The following CNBD1 variants were observed in gnomAD, a reference collection of about 807,000 sequenced individuals.
CNBD1 encodes cyclic nucleotide binding domain containing 1.
CNBD1 carries 71 observed loss-of-function variants against 54.4 expected under a neutral mutation model. That is an observed-to-expected ratio of 1.30 (90% CI 1.08 to 1.59). The LOEUF is 1.59. Ranked by LOEUF, CNBD1 falls within the 40% of genes most tolerant of loss-of-function variation. The pLI is 0.00. For synonymous variants in CNBD1, 182 were observed against 170.7 expected (o/e 1.07, Z -0.51); for missense variants, 659 against 518.0 (o/e 1.27, Z -2.64).
intron 4 of CNBD1, among the ~76,000 whole-genome samples, chr8:87,076,316 A>G (rs1810871835): frequency 6.6e-6 from 1 of 152,228 alleles, no homozygotes; most frequent in Non-Finnish European, 1.5e-5. Context: ...AGGGCCTGAT[A>G]TAATGTAGTC....
chr8:86,887,872 C>G (rs1283629262), intron 2 of CNBD1, among the ~76,000 whole-genome samples: 1 of 152,008 alleles, frequency 6.6e-6, no homozygotes, highest in Non-Finnish European at 1.5e-5. Context: ...AAAAAGCAGT[C>G]ATAAGGGGAA....
intron 3 of CNBD1, among the ~76,000 whole-genome samples, chr8:86,929,302 A>G (rs1021151043): frequency 2.6e-5 from 4 of 152,138 alleles, no homozygotes; most frequent in African/African-American, 9.6e-5. Context: ...AGGATTAGAG[A>G]AGCATACTTG....
At chr8:86,882,011 A>G (rs1421364591) in intron 1 of CNBD1, among the ~76,000 whole-genome samples, 2 of 152,158 alleles carry the variant, frequency 1.3e-5, no homozygotes, top group Non-Finnish European at 2.9e-5. Flanking sequence ...CCCCTTTTTT[A>G]CACTATATTC....
chr8:87,099,042 A>T (rs1811374543), intron 4 of CNBD1, among the ~76,000 whole-genome samples: 1 of 150,124 alleles, frequency 6.7e-6, no homozygotes, highest in Non-Finnish European at 1.5e-5. Flanking sequence ...CTCAAAAAAA[A>T]AAAAAAAAAA....
chr8:87,422,523 A>C (rs1807958845), intron 2 of CNBD1, among the ~76,000 whole-genome samples: 1 of 151,926 alleles, frequency 6.6e-6, no homozygotes, highest in African/African-American at 2.4e-5. Context: ...CCATTTATTA[A>C]ATAGGGAATC....
chr8:87,202,512 A>G (rs1813885050), intron 4 of CNBD1, among the ~76,000 whole-genome samples: 1 of 152,214 alleles, frequency 6.6e-6, no homozygotes, highest in African/African-American at 2.4e-5. Context: ...CTGTGAAGGA[A>G]TAAGCAAGAA....
At chr8:87,200,764 AG>A (rs748701895) in intron 4 of CNBD1, among the ~76,000 whole-genome samples, 13 of 152,330 alleles carry the variant, frequency 8.5e-5, no homozygotes, top group Non-Finnish European at 8.8e-5. Flanking sequence ...TGCCAAGTAA[AG>A]AACACTTCTC....
In CNBD1 at chr8:87,163,018, G is replaced by A. The variant is rs1200441943; in HGVS notation, c.432-42975G>A. 6.6e-6 allele frequency among the ~76,000 whole-genome samples: 1 copy of A among 151,986 alleles called. No homozygotes were observed. The highest frequency in any genetic ancestry group is 1.5e-5 in the Non-Finnish European group (1 of 67,960). The stretch of plus-strand genomic sequence containing the variant: ...GGCCCAGCATTCCTGTCCTCCAAAA[G>A]ATGTAGCTTTCAAAGCACCATTTTG... On this transcript the variant is annotated intron_variant, in intron 4 of 10. Coordinates refer to ENST00000518476, the MANE Select transcript of CNBD1 (RefSeq NM_173538.3). This position sits in a 1 kb window ranked among gnomAD's most constrained non-coding sequence, Gnocchi z 4.5.
chr8:87,232,245 A>G (rs1586350381), intron 5 of CNBD1, among the ~76,000 whole-genome samples: 1 of 152,182 alleles, frequency 6.6e-6, no homozygotes, highest in Non-Finnish European at 1.5e-5. Flanking sequence ...ATCCTTGTAC[A>G]AGTCCTTTTT....
intron 4 of CNBD1, among the ~76,000 whole-genome samples, chr8:86,968,433 T>A (rs1182743622): frequency 6.6e-6 from 1 of 152,178 alleles, no homozygotes; most frequent in East Asian, 1.9e-4. Flanking sequence ...AAATGTATTT[T>A]CTCTTTTAGA....
chr8:87,026,933 A>G (rs1203457251), intron 4 of CNBD1, among the ~76,000 whole-genome samples: 1 of 152,192 alleles, frequency 6.6e-6, no homozygotes, highest in Non-Finnish European at 1.5e-5. Flanking sequence ...AGCAAAGACA[A>G]ACATAACACC....
chr8:87,423,186 G>T (rs548868732), intron 2 of CNBD1, among the ~76,000 whole-genome samples: 1 of 152,180 alleles, frequency 6.6e-6, no homozygotes, highest in South Asian at 2.1e-4. Flanking sequence ...CTGAGACGAT[G>T]GGGTTTTCTA....
At chr8:86,972,041 C>T (rs994276997) in intron 4 of CNBD1, among the ~76,000 whole-genome samples, 1 of 152,002 alleles carries the variant, frequency 6.6e-6, no homozygotes, top group African/African-American at 2.4e-5. Context: ...CAACCTCTGC[C>T]TCCTGGGTTC....
At chr8:87,072,908 A>G (rs1810788411) in intron 4 of CNBD1, among the ~76,000 whole-genome samples, 2 of 152,010 alleles carry the variant, frequency 1.3e-5, no homozygotes, top group Middle Eastern at 3.2e-3. Flanking sequence ...ATGTTTTCCA[A>G]CTTGGTTCCA....
intron 4 of CNBD1, among the ~76,000 whole-genome samples, chr8:86,966,982 A>G (rs567926819): frequency 1.3e-5 from 2 of 152,238 alleles, no homozygotes; most frequent in South Asian, 4.1e-4. Flanking sequence ...CGTTTTACAG[A>G]GTGCTGATTG....
intron 4 of CNBD1, among the ~76,000 whole-genome samples, chr8:87,029,566 A>G (rs1025262650): frequency 1.3e-5 from 2 of 152,188 alleles, no homozygotes; most frequent in South Asian, 4.1e-4. Context: ...AAATTGCAAG[A>G]TAATAAATTA....
At chr8:87,059,223 A>G (rs1810492182) in intron 4 of CNBD1, among the ~76,000 whole-genome samples, 1 of 152,218 alleles carries the variant, frequency 6.6e-6, no homozygotes, top group Non-Finnish European at 1.5e-5. Context: ...TCTCTAGGAC[A>G]TTCCAAACTT....
At chr8:87,371,509 C>G (rs1012116177) in intron 10 of CNBD1, among the ~76,000 whole-genome samples, 1 of 151,886 alleles carries the variant, frequency 6.6e-6, no homozygotes, top group East Asian at 1.9e-4. Flanking sequence ...CATCCTGATA[C>G]CAAAGCCAGG....
rs1302642897 is a variant in CNBD1, at chr8:87,134,588, G to A, written c.432-71405G>A. ...AATTCAGATTCACCTTTGTTAATTA[G>A]ATTACCTTTTTTTTTTTTTTTTTTT... On this transcript the variant is annotated intron_variant, in intron 4 of 10. Transcript: ENST00000518476. Among the ~76,000 whole-genome samples the A allele has an allele frequency of 5.2e-4, 68 of 131,798 alleles. 1 individual carries two copies. The highest frequency in any genetic ancestry group is 1.8e-3 in the African/African-American group (66 of 35,962). The allele number at this position is 131,798 out of a possible 152,430, so 86.5% of individuals were successfully genotyped here. A position where few individuals can be genotyped will look rare whatever the true frequency, so the allele number is the denominator to read the frequency against.
Sources: allele counts gnomAD v4.1 joint callset (sites outside exome capture counted in the v4.1 genomes callset), GRCh38; gene constraint gnomAD v4.1.1; non-coding constraint Gnocchi (gnomAD v3.1); transcripts MANE v1.5; gene names NCBI Gene and HGNC (gene_info 2026-07-23, HGNC 2026-07-21).